The following PLEKHS1 variants were observed in gnomAD, a reference collection of about 807,000 sequenced individuals.
PLEKHS1 encodes pleckstrin homology domain containing S1.
Under a neutral mutation model 51.0 loss-of-function variants are expected in PLEKHS1, and 55 were observed. The observed-to-expected ratio is 1.08, with a 90% CI of 0.87 to 1.35. The LOEUF (loss-of-function observed/expected upper bound fraction) is 1.35. Among genes scored for constraint, PLEKHS1 ranks in the 40% most tolerant of loss-of-function variants. The probability of loss-of-function intolerance (pLI) is 0.00; values close to 1 mark genes in which losing one functional copy is unlikely to be tolerated. For synonymous variants in PLEKHS1, 153 were observed against 144.8 expected, an observed-to-expected ratio of 1.06 and a Z score of -0.41; for missense variants, 398 against 423.0, an observed-to-expected ratio of 0.94 and a Z score of 0.52.
intron 11 of PLEKHS1, 22 bp downstream of exon 11, chr10:113,775,888 T>G: frequency 6.5e-7 from 1 of 1,542,474 alleles, no homozygotes. Flanking sequence ...ATTTGACTGT[T>G]GTGGATTATA....
chr10:113,755,068 C>T (rs980089251), intron 1 of PLEKHS1, among the ~76,000 whole-genome samples, 191 bp from the exon 2 acceptor site: 2 of 152,150 alleles, frequency 1.3e-5, no homozygotes, highest in African/African-American at 4.8e-5. Context: ...GATGTGTCCC[C>T]GTTACTGCAG....
intron 8 of PLEKHS1, among the ~76,000 whole-genome samples, chr10:113,773,682 C>T (rs954394020): frequency 3.9e-5 from 6 of 152,136 alleles, no homozygotes; most frequent in South Asian, 2.1e-4. Context: ...CATGGGTTAA[C>T]GGTGAACTTA....
intron 2 of PLEKHS1, among the ~76,000 whole-genome samples, chr10:113,760,701 C>G (rs1418679720): frequency 6.6e-6 from 1 of 152,000 alleles, no homozygotes; most frequent in African/African-American, 2.4e-5. Flanking sequence ...TTTATATATT[C>G]TGGATAGTAG....
chr10:113,779,585 G>A (rs7917563), intron 11 of PLEKHS1, among the ~76,000 whole-genome samples: 51,806 of 144,398 alleles, frequency 0.36, 9,435 homozygotes, highest in South Asian at 0.49. Context: ...AAAAAAAAAA[G>A]GATCCACATA....
exon 8 of PLEKHS1, chr10:113,772,012 C>T (rs748811712): frequency 1.9e-6 from 3 of 1,613,494 alleles, no homozygotes; most frequent in African/African-American, 2.7e-5. Context: ...GCAAACTCAC[C>T]TACAAGATTT....
intron 11 of PLEKHS1, chr10:113,777,763 G>A (rs1237929455): frequency 1.4e-6 from 2 of 1,452,552 alleles, no homozygotes; most frequent in Non-Finnish European, 1.8e-6. Context: ...ATTTTTTAAA[G>A]CCTCAGTTTC....
rs375805273 is a variant in PLEKHS1 at position 113,769,813 on chromosome 10, C to A, written c.465C>A (p.Thr155=). Residue 155 remains threonine (T), a synonymous_variant, in exon 7 of 12, where the codon ACC becomes ACA. Transcript: ENST00000361048. The stretch of plus-strand genomic sequence containing the variant: ...AACTCTCATTGGGTAATAAAAGAAC[C>A]CTCTTCTACTCCAGCCCTCTCCTTG... 8 of 1,613,822 alleles carry A rather than the reference C, an allele frequency of 5.0e-6. 1 individual carries two copies. The East Asian group carries it at 1.1e-4, about 22-fold the overall frequency.
In PLEKHS1 at chr10:113,778,643, C is replaced by CTTTTTTT. The variant is rs55821501; in HGVS notation, c.*-1947_*-1941dup. On this transcript the variant is annotated intron_variant, in intron 11 of 11. Coordinates refer to ENST00000361048, the Ensembl canonical transcript of PLEKHS1. ...GGGCAAGTACACATTCGTTCACTTTCTTTTTTTTTTTTTTTTTTGAGACGG... is the reference window on the plus strand; with the variant it reads ...GGGCAAGTACACATTCGTTCACTTTCTTTTTTTTTTTTTTTTTTTTTTTTTGAGACGG... 5.9e-4 allele frequency among the ~76,000 whole-genome samples: 75 copies of CTTTTTTT among 127,084 alleles called. 4 individuals carry two copies. Among genetic ancestry groups the CTTTTTTT allele is most frequent in the Non-Finnish European group, 8.5e-4 (53 of 62,456 alleles). The allele number at this position is 127,084 out of a possible 152,430, so 83.4% of individuals were successfully genotyped here.
At chr10:113,758,752 C>T (rs1356078711) in intron 2 of PLEKHS1, among the ~76,000 whole-genome samples, 2 of 152,138 alleles carry the variant, frequency 1.3e-5, no homozygotes, top group Non-Finnish European at 2.9e-5. Flanking sequence ...AATAGCCAGT[C>T]AGTGGAGCAA....
chr10:113,768,869 A>G (rs372284808), exon 6 of PLEKHS1: 2 of 1,613,516 alleles, frequency 1.2e-6, no homozygotes, highest in Non-Finnish European at 1.7e-6. Context: ...AGGATATAAA[A>G]GCAACACAGC....
intron 6 of PLEKHS1, 148 bp downstream of exon 6, chr10:113,769,038 T>C: frequency 1.9e-6 from 1 of 538,568 alleles, no homozygotes; most frequent in East Asian, 3.3e-5. Context: ...TTATTACTTT[T>C]TATGATTAAC....
At chr10:113,757,113 C>T (rs142183995) in intron 2 of PLEKHS1, among the ~76,000 whole-genome samples, 1,754 of 152,184 alleles carry the variant, frequency 0.012, 40 homozygotes, top group African/African-American at 0.04. Flanking sequence ...CAGGGTTTCA[C>T]CATCGTGGCC....
intron 2 of PLEKHS1, chr10:113,764,834 C>T (rs1434132469): frequency 6.6e-6 from 1 of 152,406 alleles, no homozygotes; most frequent in Admixed American, 6.5e-5. Flanking sequence ...TTTAAGTGCA[C>T]TAATCTTTTC....
exon 12 of PLEKHS1, chr10:113,780,842 C>CT: frequency 7.0e-7 from 1 of 1,438,310 alleles, no homozygotes; most frequent in East Asian, 2.5e-5. Context: ...GCTCTGCCCC[C>CT]TGCTGCTGCC....
At chr10:113,766,809 G>T in intron 4 of PLEKHS1, 91 bp downstream of exon 4, 2 of 986,036 alleles carry the variant, frequency 2.0e-6, no homozygotes, top group South Asian at 3.3e-5. Flanking sequence ...TTACATAATT[G>T]ACCAAAGGAA....
chr10:113,775,310 T>A (rs1417447325), intron 10 of PLEKHS1, among the ~76,000 whole-genome samples: 1 of 152,160 alleles, frequency 6.6e-6, no homozygotes, highest in Non-Finnish European at 1.5e-5. Flanking sequence ...GGACTTGGGA[T>A]CCACACCAAT....
rs747832364 is a variant in PLEKHS1, at chr10:113,766,382, ACAAAC to A, written c.29-28_29-24del. On this transcript the variant is annotated intron_variant, in intron 2 of 11. Coordinates refer to ENST00000361048, the Ensembl canonical transcript of PLEKHS1. ...AGTTCTTTTCAGAAATTTATGAGGAACAAACTGAGTTCTGTTCACTTTTATTAGGC... is the reference window on the plus strand; with the variant it reads ...AGTTCTTTTCAGAAATTTATGAGGAATGAGTTCTGTTCACTTTTATTAGGC... 1,360 of 1,379,838 alleles carry A rather than the reference ACAAAC, an allele frequency of 9.9e-4. 7 individuals carry two copies. The African/African-American group carries it at 0.016, about 16-fold the overall frequency. The allele number at this position is 1,379,838 out of a possible 1,614,324, so 85.5% of individuals were successfully genotyped here. A position where few individuals can be genotyped will look rare whatever the true frequency, so the allele number is the denominator to read the frequency against.
At chr10:113,752,670 C>A (rs762391884) in intron 1 of PLEKHS1, among the ~76,000 whole-genome samples, 6 of 152,112 alleles carry the variant, frequency 3.9e-5, no homozygotes, top group Non-Finnish European at 5.9e-5. Flanking sequence ...AAATTTAAAC[C>A]CAGATGCCAG....
exon 3 of PLEKHS1, chr10:113,766,457 T>G: frequency 6.2e-7 from 1 of 1,603,204 alleles, no homozygotes; most frequent in African/African-American, 1.3e-5. Context: ...GCAAACAAGA[T>G]TACTTTATTA....
Sources: allele counts gnomAD v4.1 joint callset (sites outside exome capture counted in the v4.1 genomes callset), GRCh38; gene constraint gnomAD v4.1.1; transcripts MANE v1.5; gene names NCBI Gene and HGNC (gene_info 2026-07-23, HGNC 2026-07-21).